The following VSTM2B variants were observed in gnomAD, a reference collection of about 807,000 sequenced individuals.
VSTM2B encodes the protein V-set and transmembrane domain-containing protein 2B.
VSTM2B carries 24 observed loss-of-function variants against 24.0 expected under a neutral mutation model. The ratio of observed to expected loss-of-function variants is 1.00; its 90% CI spans 0.72 to 1.40. The LOEUF (loss-of-function observed/expected upper bound fraction) is 1.40, where lower values mean the gene tolerates loss of function less well. Among genes scored for constraint, VSTM2B ranks in the 40% most tolerant of loss-of-function variants. The probability of loss-of-function intolerance (pLI) is 0.00; values close to 1 mark genes in which losing one functional copy is unlikely to be tolerated. For synonymous variants in VSTM2B, 226 were observed against 194.4 expected (o/e 1.16, Z -1.35); for missense variants, 399 against 416.4 (o/e 0.96, Z 0.36).
chr19:29,553,981 C>T (rs1970348559), intron 4 of VSTM2B, among the ~76,000 whole-genome samples: 1 of 152,156 alleles, frequency 6.6e-6, no homozygotes, highest in African/African-American at 2.4e-5. Context: ...GAGAACAGAA[C>T]CAAGTTGGAA....
intron 4 of VSTM2B, among the ~76,000 whole-genome samples, chr19:29,539,804 C>G (rs1167029658): frequency 6.6e-6 from 1 of 152,230 alleles, no homozygotes; most frequent in Admixed American, 6.5e-5. Flanking sequence ...GGAGTGTAAG[C>G]AGGCTGCCGG....
At chr19:29,563,775 C>T (rs1353690259) in intron 4 of VSTM2B, 71 bp from the exon 5 acceptor site, 2 of 1,400,868 alleles carry the variant, frequency 1.4e-6, no homozygotes, top group African/African-American at 2.9e-5. Context: ...CTCACTGTTC[C>T]TGGTCTGCTG....
chr19:29,556,982 C>T (rs1428785391), intron 4 of VSTM2B, among the ~76,000 whole-genome samples: 1 of 152,092 alleles, frequency 6.6e-6, no homozygotes, highest in Non-Finnish European at 1.5e-5. Flanking sequence ...GATTCAATGC[C>T]ATTCCCATTA....
chr19:29,526,499 A>T lies in VSTM2B; in HGVS notation c.-85A>T. ...GCCATGGCAGGCTCGGAGGCGTCCT[A>T]GCCCGAGCCGGAGCCGATCCGAGCC... On this transcript the variant is annotated 5_prime_UTR_variant, in exon 1 of 5. The change abolishes the stop of an existing upstream ORF in the 5' untranslated region. Coordinates refer to ENST00000335523, the MANE Select transcript of VSTM2B (RefSeq NM_001146339.2). The surrounding 1 kb of genome is among the most constrained non-coding windows in gnomAD (Gnocchi z 4.1). The T allele has an allele frequency of 8.9e-7, 1 of 1,122,622 alleles. No individual in the cohort carries two copies. The highest frequency in any genetic ancestry group is 1.2e-6 in the Non-Finnish European group (1 of 840,784). 69.5% of individuals were successfully genotyped at this position (1,122,622 alleles called of 1,614,324 possible). A position where few individuals can be genotyped will look rare whatever the true frequency, so the allele number is the denominator to read the frequency against.
chr19:29,547,427 G>A (rs1394022140), intron 4 of VSTM2B, among the ~76,000 whole-genome samples: 3 of 152,186 alleles, frequency 2.0e-5, no homozygotes, highest in Non-Finnish European at 4.4e-5. Flanking sequence ...AATAAGTGCT[G>A]GCAACCTTTG....
In VSTM2B at chr19:29,529,968, C is replaced by G. The variant is rs547562401; in HGVS notation, c.447C>G (p.Leu149=). ...AGGCCCAGGCGATGCTGCGCGTGCT[C>G]TCGCGCTTCGCGCCGCCCAACATGC... ...EHKAQAMLRV[L]SRFAPPNMQA... Residue 149 remains leucine (L), a synonymous_variant, in exon 4 of 5, where the codon CTC becomes CTG. Transcript: ENST00000335523. 5.2e-6 allele frequency: 8 copies of G among 1,547,242 alleles called. No homozygotes were observed. The East Asian group carries it at 1.5e-4, about 28-fold the overall frequency.
In VSTM2B at chr19:29,563,909, T is replaced by A; in HGVS notation, c.833T>A (p.Phe278Tyr). Residue 278 changes from phenylalanine (F) to tyrosine (Y), a missense_variant, in exon 5 of 5, where the codon TTC becomes TAC. By Grantham distance (22) the Phe-to-Tyr change is conservative. Coordinates refer to ENST00000335523, the MANE Select transcript of VSTM2B (RefSeq NM_001146339.2). ...CTGCTCCTGTTAGCTCTGCATAAGT[T>A]CCTGCGCCTGCTCTTGGGACATTGA... The part of the protein sequence containing the change: ...LSLLLLALHK[F>Y]LRLLLGH 2 of 1,552,372 alleles carry A rather than the reference T, an allele frequency of 1.3e-6. No homozygotes were observed. The highest frequency in any genetic ancestry group is 1.7e-6 in the Non-Finnish European group (2 of 1,147,128).
Position 29,563,837 on chromosome 19 carries a change from C to T in VSTM2B, c.770-9C>T. 3 of 1,551,924 alleles carry T rather than the reference C, an allele frequency of 1.9e-6. No homozygotes were observed. The highest frequency in any genetic ancestry group is 2.6e-6 in the Non-Finnish European group (3 of 1,146,794). On this transcript the variant is annotated splice_polypyrimidine_tract_variant and intron_variant, in intron 4 of 4. Transcript: ENST00000335523. Reference sequence around the variant, plus strand: ...GTGTTAACCTTGCCTGTTTTCTCATCCCCTGCAGGCACCGGCCGTAGCTAC... The same window carrying T: ...GTGTTAACCTTGCCTGTTTTCTCATTCCCTGCAGGCACCGGCCGTAGCTAC...
intron 4 of VSTM2B, among the ~76,000 whole-genome samples, chr19:29,548,717 C>T (rs971444612): frequency 2.6e-5 from 4 of 152,098 alleles, no homozygotes; most frequent in African/African-American, 7.2e-5. Flanking sequence ...GGAGCCCCAT[C>T]AGGAAGCCGG....
At chr19:29,531,177 A>ACT (rs993045890) in intron 4 of VSTM2B, among the ~76,000 whole-genome samples, 1 of 150,958 alleles carries the variant, frequency 6.6e-6, no homozygotes, top group Non-Finnish European at 1.5e-5. Context: ...GGCATCCCCC[A>ACT]CTCTCTCCCC....
intron 4 of VSTM2B, among the ~76,000 whole-genome samples, chr19:29,550,000 G>A (rs1299429561): frequency 6.6e-6 from 1 of 152,248 alleles, no homozygotes; most frequent in Non-Finnish European, 1.5e-5. Context: ...GCCCCTTGGG[G>A]GCTGCCTTCT....
rs747370059 is a variant in VSTM2B at position 29,527,374 on chromosome 19, C to A, written c.246C>A (p.Ser82Arg). The change falls in exon 2 of 5, where the codon AGC becomes AGA. Residue 82 changes from serine to arginine, a missense_variant. Ser to Arg is a moderately radical substitution (Grantham distance 110). Coordinates refer to ENST00000335523, the MANE Select transcript of VSTM2B (RefSeq NM_001146339.2). ...AGCTGCTGCACGAGCTGGCGCTCAG[C>A]GTGCCGGGCGCCCGGAGCAAGGTAA... ...PRELLHELAL[S>R]VPGARSKVTN... 1.8e-5 allele frequency: 28 copies of A among 1,540,574 alleles called. No homozygotes were observed. The African/African-American group carries it at 3.5e-4, about 19-fold the overall frequency.
Position 29,526,748 on chromosome 19 carries a change from G to C in VSTM2B, c.82+83G>C. ...CACCGAGAAGAAGAAGAAAGAGAAC[G>C]AACCGGGAAGCTTCGCGGTCTCCAG... On this transcript the variant is annotated intron_variant, in intron 1 of 4. Coordinates refer to ENST00000335523, the MANE Select transcript of VSTM2B (RefSeq NM_001146339.2). The surrounding 1 kb of genome is among the most constrained non-coding windows in gnomAD (Gnocchi z 4.1). The C allele has an allele frequency of 7.7e-7, 1 of 1,299,742 alleles. No individual in the cohort carries two copies. Among genetic ancestry groups the C allele is most frequent in the Non-Finnish European group, 1.1e-6 (1 of 949,904 alleles). The allele number at this position is 1,299,742 out of a possible 1,614,324, so 80.5% of individuals were successfully genotyped here. A position where few individuals can be genotyped will look rare whatever the true frequency, so the allele number is the denominator to read the frequency against.
chr19:29,528,339 C>A, intron 2 of VSTM2B, 94 bp from the exon 3 acceptor site: 3 of 1,512,558 alleles, frequency 2.0e-6, no homozygotes, highest in South Asian at 1.2e-5. Context: ...TCCTAGCCTG[C>A]CGGAGGAGGG....
chr19:29,555,331 C>T (rs1207849704), intron 4 of VSTM2B, among the ~76,000 whole-genome samples: 1 of 152,100 alleles, frequency 6.6e-6, no homozygotes, highest in Non-Finnish European at 1.5e-5. Flanking sequence ...GAAATTAAGA[C>T]AGAAATCAAG....
chr19:29,552,281 TA>T (rs1970301873), intron 4 of VSTM2B, among the ~76,000 whole-genome samples: 1 of 152,186 alleles, frequency 6.6e-6, no homozygotes. Flanking sequence ...AATCAGGTAG[TA>T]AAAGGTTGCA....
intron 4 of VSTM2B, among the ~76,000 whole-genome samples, chr19:29,537,090 A>G (rs138350261): frequency 6.6e-6 from 1 of 152,306 alleles, no homozygotes; most frequent in East Asian, 1.9e-4. Flanking sequence ...CAGAGTGGTG[A>G]GAAGGCTTCA....
chr19:29,553,511 A>C (rs1970333665), intron 4 of VSTM2B, among the ~76,000 whole-genome samples: 1 of 152,264 alleles, frequency 6.6e-6, no homozygotes, highest in African/African-American at 2.4e-5. Context: ...AATCAATGAA[A>C]GAACACTGAA....
intron 4 of VSTM2B, among the ~76,000 whole-genome samples, chr19:29,562,724 G>A (rs1435686350): frequency 6.6e-6 from 1 of 152,192 alleles, no homozygotes; most frequent in Admixed American, 6.5e-5. Flanking sequence ...CACTTTCCAG[G>A]TGAGAAGCCC....
Sources: allele counts gnomAD v4.1 joint callset (sites outside exome capture counted in the v4.1 genomes callset), GRCh38; gene constraint gnomAD v4.1.1; non-coding constraint Gnocchi (gnomAD v3.1); transcripts MANE v1.5; gene names NCBI Gene and HGNC (gene_info 2026-07-23, HGNC 2026-07-21).